Variants in TNRC6A observed in about 807,000 individuals in gnomAD.
TNRC6A encodes the protein trinucleotide repeat containing adaptor 6A, also known as trinucleotide repeat-containing gene 6A protein.
TNRC6A carries 44 observed loss-of-function variants against 221.2 expected under a neutral mutation model. The observed-to-expected ratio is 0.20, with a 90% CI of 0.16 to 0.26. The LOEUF is 0.26. TNRC6A is among the 10% of genes least tolerant of loss of function. The pLI, the probability that TNRC6A is intolerant of heterozygous loss-of-function variation, is 1.00. For synonymous variants in TNRC6A, 847 were observed against 838.5 expected (o/e 1.01, Z -0.18); for missense variants, 2,199 against 2,404.4 (o/e 0.91, Z 1.79).
intron 2 of TNRC6A, among the ~76,000 whole-genome samples, chr16:24,718,419 T>C (rs560262643): frequency 3.3e-5 from 5 of 152,216 alleles, no homozygotes; most frequent in African/African-American, 4.8e-5. Flanking sequence ...GCATTTGAAC[T>C]GGGCTTTGAA....
chr16:24,625,732 CAAAACAAAAAAAA>C (rs1449590489), intron 1 of TNRC6A, among the ~76,000 whole-genome samples: 38 of 78,528 alleles, frequency 4.8e-4, no homozygotes, highest in Non-Finnish European at 7.5e-4. Context: ...GACTCCGTCT[CAAAACAAAAAAAA>C]AAAAAAAAAA....
intron 1 of TNRC6A, among the ~76,000 whole-genome samples, chr16:24,618,724 C>T (rs35585590): frequency 0.094 from 13,446 of 143,060 alleles, 808 homozygotes; most frequent in Non-Finnish European, 0.13. Flanking sequence ...AACCATGGCT[C>T]ACTGCAGCAA....
intron 2 of TNRC6A, among the ~76,000 whole-genome samples, chr16:24,683,067 CT>C (rs1222754532): frequency 6.6e-6 from 1 of 152,160 alleles, no homozygotes; most frequent in Non-Finnish European, 1.5e-5. Context: ...TGCTATGAAG[CT>C]TGGAACTGAG....
At chr16:24,805,450 G>A (rs908223299) in intron 14 of TNRC6A, 155 bp from the exon 15 acceptor site, 12 of 1,119,986 alleles carry the variant, frequency 1.1e-5, no homozygotes, top group Non-Finnish European at 1.5e-5. Flanking sequence ...AAAAGTGTAA[G>A]TGAGTGGTCA....
chr16:24,804,436 A>AT, intron 12 of TNRC6A, 117 bp downstream of exon 12: 1 of 1,252,520 alleles, frequency 8.0e-7, no homozygotes, highest in Non-Finnish European at 1.1e-6. Context: ...CCACTACCAA[A>AT]TCTTATTACT....
chr16:24,623,324 GAGTA>G (rs1900784423), intron 1 of TNRC6A, among the ~76,000 whole-genome samples: 1 of 151,940 alleles, frequency 6.6e-6, no homozygotes, highest in Non-Finnish European at 1.5e-5. Context: ...TCAGCCTGCC[GAGTA>G]GCTGGGACTA....
At chr16:24,756,110 A>C (rs1211814262) in intron 3 of TNRC6A, among the ~76,000 whole-genome samples, 1 of 152,192 alleles carries the variant, frequency 6.6e-6, no homozygotes, top group Admixed American at 6.5e-5. Flanking sequence ...AACCTAATAT[A>C]GCTAAAATGT....
At chr16:24,768,432 CAAAA>C (rs35193077) in intron 4 of TNRC6A, among the ~76,000 whole-genome samples, 2 of 89,184 alleles carry the variant, frequency 2.2e-5, no homozygotes, top group Admixed American at 1.2e-4. Context: ...GACTCTGTCT[CAAAA>C]AAAAAAAAAA....
At chr16:24,793,276 C>A in intron 6 of TNRC6A, 197 bp from the exon 7 acceptor site, 2 of 387,912 alleles carry the variant, frequency 5.2e-6, no homozygotes, top group Non-Finnish European at 9.0e-6. Flanking sequence ...AAAATTCTCA[C>A]CTTATATTAA....
chr16:24,761,470 A>C (rs1021276912), intron 4 of TNRC6A, among the ~76,000 whole-genome samples: 9 of 152,292 alleles, frequency 5.9e-5, no homozygotes, highest in African/African-American at 2.2e-4. Flanking sequence ...GAAAGAGCTA[A>C]TGTTCCTTCT....
At chr16:24,754,598 G>T (rs2057209559) in intron 3 of TNRC6A, among the ~76,000 whole-genome samples, 1 of 152,116 alleles carries the variant, frequency 6.6e-6, no homozygotes, top group South Asian at 2.1e-4. Flanking sequence ...AGTAGCAGTA[G>T]GTTACCATGG....
chr16:24,707,504 T>C (rs2056120362), intron 2 of TNRC6A, among the ~76,000 whole-genome samples: 1 of 151,964 alleles, frequency 6.6e-6, no homozygotes, highest in Non-Finnish European at 1.5e-5. Flanking sequence ...AATTAAAAGG[T>C]AGGTAACAAG....
intron 4 of TNRC6A, among the ~76,000 whole-genome samples, chr16:24,771,976 A>G (rs573707680): frequency 6.6e-5 from 10 of 152,330 alleles, no homozygotes; most frequent in East Asian, 5.8e-4. Context: ...CCTGTTGTCT[A>G]TGACTGCTCT....
chr16:24,812,272 G>A (rs755888394), intron 18 of TNRC6A, among the ~76,000 whole-genome samples: 4 of 151,800 alleles, frequency 2.6e-5, no homozygotes, highest in South Asian at 2.1e-4. Flanking sequence ...GGCTGGTCTC[G>A]TTCTCCTGAA....
intron 2 of TNRC6A, among the ~76,000 whole-genome samples, chr16:24,677,745 G>T (rs1431818049): frequency 6.6e-6 from 1 of 152,152 alleles, no homozygotes; most frequent in Non-Finnish European, 1.5e-5. Context: ...TTTATCCTCA[G>T]TACCTAAAAT....
intron 1 of TNRC6A, among the ~76,000 whole-genome samples, chr16:24,613,187 G>A (rs890843509): frequency 6.6e-6 from 1 of 151,020 alleles, no homozygotes. Context: ...GCATAAAAGT[G>A]GGGACAGAGT....
intron 18 of TNRC6A, among the ~76,000 whole-genome samples, chr16:24,810,104 C>T (rs569711412): frequency 1.4e-4 from 21 of 152,228 alleles, no homozygotes; most frequent in Non-Finnish European, 2.2e-4. Flanking sequence ...TGAACTACTG[C>T]ACCTGGCCCA....
At position 24,791,472 on chromosome 16, in the gene TNRC6A, C is replaced by T; in HGVS notation, c.2830C>T (p.Pro944Ser). The change falls in exon 6 of 25, where the codon CCA (proline) becomes TCA (serine). Residue 944 changes from proline (P) to serine (S), a missense_variant. By Grantham distance (74) the Pro-to-Ser change is moderately conservative. Coordinates refer to ENST00000395799, the MANE Select transcript of TNRC6A (RefSeq NM_014494.4). ...WGDSSKPVSSPDWNKQQDIVG... is the reference protein window; with the variant it reads ...WGDSSKPVSSSDWNKQQDIVG... ...AGATTCGTCAAAGCCAGTCAGCTCT[C>T]CAGACTGGAACAAGCAACAAGACAT... The T allele has an allele frequency of 6.5e-7, 1 of 1,532,248 alleles. No homozygotes were observed. The highest frequency in any genetic ancestry group is 8.7e-7 in the Non-Finnish European group (1 of 1,143,346). 94.9% of individuals were successfully genotyped at this position (1,532,248 alleles called of 1,614,324 possible).
chr16:24,805,256 A>G, intron 14 of TNRC6A, 105 bp downstream of exon 14: 3 of 1,444,696 alleles, frequency 2.1e-6, no homozygotes, highest in Non-Finnish European at 2.8e-6. Context: ...ATTTATTGGC[A>G]TCTTTGAGAT....
Sources: allele counts gnomAD v4.1 joint callset (sites outside exome capture counted in the v4.1 genomes callset), GRCh38; gene constraint gnomAD v4.1.1; transcripts MANE v1.5; gene names NCBI Gene and HGNC (gene_info 2026-07-23, HGNC 2026-07-21).